Variants in FAR2 observed in about 807,000 individuals in gnomAD.
FAR2 encodes fatty acyl-CoA reductase 2, also known as epididymis secretory protein Li 81.
Under a neutral mutation model 56.0 loss-of-function variants are expected in FAR2, and 19 were observed. The observed-to-expected ratio is 0.34, with a 90% CI of 0.24 to 0.50. The LOEUF (loss-of-function observed/expected upper bound fraction) is 0.50. Among genes scored for constraint, FAR2 ranks in the 20% least tolerant of loss-of-function variants. The pLI, the probability that FAR2 is intolerant of heterozygous loss-of-function variation, is 0.98. For synonymous variants in FAR2, 219 were observed against 218.8 expected, an observed-to-expected ratio of 1.00 and a Z score of -0.01; for missense variants, 508 against 642.2, an observed-to-expected ratio of 0.79 and a Z score of 2.26.
chr12:29,165,144 A>G (rs561791859), intron 1 of FAR2, among the ~76,000 whole-genome samples: 2 of 152,338 alleles, frequency 1.3e-5, no homozygotes, highest in African/African-American at 4.8e-5. Flanking sequence ...ATGATTCCCT[A>G]TCTGCTTCAC....
rs561519455 is a variant in FAR2 at position 29,179,856 on chromosome 12, T to C, written c.-39+30449T>C. Among the ~76,000 whole-genome samples the C allele has an allele frequency of 3.0e-4, 46 of 152,234 alleles. No homozygotes were observed. The East Asian group carries it at 8.7e-3, about 29-fold the overall frequency. On this transcript the variant is annotated intron_variant, in intron 1 of 11. Coordinates refer to ENST00000536681, the MANE Select transcript of FAR2 (RefSeq NM_001271783.2). Reference sequence around the variant, plus strand: ...CGTTGATGGGAATAATATGGGCCATTTTCTCTATAAAATATAAAACTCTTC... The same window carrying C: ...CGTTGATGGGAATAATATGGGCCATCTTCTCTATAAAATATAAAACTCTTC...
chr12:29,236,609 C>T (rs1947946326), intron 1 of FAR2, among the ~76,000 whole-genome samples: 3 of 152,110 alleles, frequency 2.0e-5, no homozygotes, highest in African/African-American at 7.2e-5. Flanking sequence ...CATCAGATCT[C>T]ATGAGAATTC....
intron 9 of FAR2, 95 bp from the exon 10 acceptor site, chr12:29,321,700 T>C (rs1186096345): frequency 2.1e-6 from 3 of 1,411,910 alleles, no homozygotes; most frequent in East Asian, 5.0e-5. Context: ...CAGGGATAAT[T>C]TTTGTATTTT....
At chr12:29,228,516 C>T (rs966975555) in intron 1 of FAR2, among the ~76,000 whole-genome samples, 1 of 152,140 alleles carries the variant, frequency 6.6e-6, no homozygotes, top group African/African-American at 2.4e-5. Context: ...CATATTCTGG[C>T]AGATCTTAAT....
chr12:29,174,900 T>C (rs2349973), intron 1 of FAR2, among the ~76,000 whole-genome samples: 146,162 of 152,244 alleles, frequency 0.96, 70,434 homozygotes, highest in East Asian at 1. Context: ...AACTTGTTGT[T>C]GGGACCCCGA....
At chr12:29,260,905 C>T (rs1399784541) in intron 1 of FAR2, among the ~76,000 whole-genome samples, 2 of 152,200 alleles carry the variant, frequency 1.3e-5, no homozygotes, top group Non-Finnish European at 2.9e-5. Flanking sequence ...ACCTTCATGA[C>T]TGTGCAACAG....
chr12:29,201,670 CTTT>C (rs1459739966), intron 1 of FAR2, among the ~76,000 whole-genome samples: 1 of 152,154 alleles, frequency 6.6e-6, no homozygotes, highest in Non-Finnish European at 1.5e-5. Context: ...TGACTGATGA[CTTT>C]GCTATACCTG....
intron 1 of FAR2, chr12:29,171,373 T>A (rs1290164432): frequency 6.6e-6 from 1 of 152,452 alleles, no homozygotes; most frequent in Non-Finnish European, 1.5e-5. Context: ...CAATCTTTTT[T>A]AAAGTGTCCT....
intron 1 of FAR2, among the ~76,000 whole-genome samples, chr12:29,170,096 C>T (rs1949870749): frequency 6.6e-6 from 1 of 152,226 alleles, no homozygotes; most frequent in East Asian, 1.9e-4. Context: ...ATAGATGGCT[C>T]CTTCCTGATT....
intron 1 of FAR2, among the ~76,000 whole-genome samples, chr12:29,208,104 G>T (rs546838902): frequency 6.6e-5 from 10 of 152,364 alleles, no homozygotes; most frequent in Non-Finnish European, 1.5e-4. Flanking sequence ...AGTATTAAAA[G>T]AAGTGTGTTG....
At chr12:29,246,289 G>A (rs1395956773) in intron 1 of FAR2, among the ~76,000 whole-genome samples, 2 of 151,868 alleles carry the variant, frequency 1.3e-5, no homozygotes, top group Admixed American at 6.6e-5. Flanking sequence ...ACACTGGAAA[G>A]CAAGAACTCA....
chr12:29,317,039 G>C (rs776105312), intron 9 of FAR2, 27 bp downstream of exon 9: 2 of 1,600,470 alleles, frequency 1.2e-6, no homozygotes, highest in Admixed American at 1.7e-5. Context: ...ATGGCTTTGA[G>C]AGTGTCACTG....
chr12:29,245,330 C>T (rs1160317753), intron 1 of FAR2, among the ~76,000 whole-genome samples: 1 of 152,166 alleles, frequency 6.6e-6, no homozygotes, highest in African/African-American at 2.4e-5. Flanking sequence ...TCTTACTTTA[C>T]AAATGAGGAA....
At position 29,316,944 on chromosome 12, in the gene FAR2, T is replaced by C. The variant is rs1460830367; in HGVS notation, c.1059T>C (p.Asn353=). ...TSNSFTSQYW[N]AVSHRAPAII... is the part of the protein sequence containing the mutation. ...ACAGCTTCACATCACAGTACTGGAATGCGGTCAGCCACCGGGCCCCTGCCA... is the reference window on the plus strand; with the variant it reads ...ACAGCTTCACATCACAGTACTGGAACGCGGTCAGCCACCGGGCCCCTGCCA... The change falls in exon 9 of 12, where the codon AAT becomes AAC. Residue 353 remains asparagine, a synonymous_variant. Transcript: ENST00000536681. The C allele has an allele frequency of 6.2e-7, 1 of 1,614,042 alleles. No homozygotes were observed. Among genetic ancestry groups the C allele is most frequent in the East Asian group, 2.2e-5 (1 of 44,862 alleles).
chr12:29,296,521 A>G (rs1434646519), intron 3 of FAR2, among the ~76,000 whole-genome samples: 2 of 152,220 alleles, frequency 1.3e-5, no homozygotes, highest in African/African-American at 4.8e-5. Flanking sequence ...CATACTGTTT[A>G]TATAGCTTTG....
At chr12:29,256,745 C>T (rs1442226834) in intron 1 of FAR2, among the ~76,000 whole-genome samples, 1 of 152,192 alleles carries the variant, frequency 6.6e-6, no homozygotes, top group Non-Finnish European at 1.5e-5. Flanking sequence ...GAGCACTCGG[C>T]CGGCCCTGCC....
At chr12:29,280,070 AC>A (rs1019982836) in intron 2 of FAR2, among the ~76,000 whole-genome samples, 3 of 151,852 alleles carry the variant, frequency 2.0e-5, no homozygotes, top group Non-Finnish European at 4.4e-5. Flanking sequence ...GATTACAGGC[AC>A]CCGCCACCAT....
intron 1 of FAR2, among the ~76,000 whole-genome samples, chr12:29,185,454 G>A (rs1950032668): frequency 6.6e-6 from 1 of 152,162 alleles, no homozygotes. Flanking sequence ...GAGGAAACAA[G>A]CACCAGAAAA....
At chr12:29,184,844 C>G (rs1950025260) in intron 1 of FAR2, among the ~76,000 whole-genome samples, 1 of 152,132 alleles carries the variant, frequency 6.6e-6, no homozygotes, top group Admixed American at 6.5e-5. Flanking sequence ...TAAATCTCTC[C>G]TTCATTTTTA....
Sources: gnomAD v4.1 joint callset for allele counts (sites outside exome capture counted in the v4.1 genomes callset) on GRCh38, gnomAD v4.1.1 for gene constraint, MANE v1.5 for transcripts, NCBI Gene and HGNC (gene_info 2026-07-23, HGNC 2026-07-21) for gene names.